BOD1L1: variants seen among roughly 807,000 people sequenced by gnomAD.
BOD1L1 encodes biorientation of chromosomes in cell division 1 like 1, also known as biorientation of chromosomes in cell division protein 1-like 1.
Under a neutral mutation model 240.7 loss-of-function variants are expected in BOD1L1, and 86 were observed. The ratio of observed to expected loss-of-function variants is 0.36; its 90% CI spans 0.30 to 0.43. BOD1L1 has a LOEUF of 0.43. Among genes scored for constraint, BOD1L1 ranks in the 20% least tolerant of loss-of-function variants. The probability of loss-of-function intolerance (pLI) is 1.00; values close to 1 mark genes in which losing one functional copy is unlikely to be tolerated. For missense variants in BOD1L1, 3,554 were observed against 3,643.5 expected (o/e 0.98, Z 0.63); for synonymous variants, 1,268 against 1,272.3 (o/e 1.00, Z 0.07).
intron 25 of BOD1L1, chr4:13,572,929 G>A: frequency 8.8e-7 from 1 of 1,134,760 alleles, no homozygotes. Context: ...GGCTCCTTGT[G>A]GGCAAGTCAG....
In BOD1L1 at chr4:13,603,575, C is replaced by A; in HGVS notation, c.3325G>T (p.Gly1109Cys). The change falls in exon 10 of 26, where the codon GGT becomes TGT. Residue 1109 changes from glycine to cysteine, a missense_variant. By Grantham distance (159) the Gly-to-Cys change is radical (BLOSUM62 -3). Around this residue, in one of 2 missense-constraint regions of BOD1L1, gnomAD observed 3,393 missense variants for 3,427.1 expected, o/e 0.99. Coordinates refer to ENST00000040738, the MANE Select transcript of BOD1L1 (RefSeq NM_148894.3). ...TGTTCAGGGATCAATGTCATATCACCACTCTTTTTTGGTCTCTGAAGGGAG... is the reference window on the plus strand; with the variant it reads ...TGTTCAGGGATCAATGTCATATCACAACTCTTTTTTGGTCTCTGAAGGGAG... ...GSSLQRPKKS[G>C]DMTLIPEQEP... is the part of the protein sequence containing the mutation. 1 of 1,613,990 alleles carries A rather than the reference C, an allele frequency of 6.2e-7. No individual in the cohort carries two copies. The highest frequency in any genetic ancestry group is 8.5e-7 in the Non-Finnish European group (1 of 1,179,876).
chr4:13,590,291 T>C (rs557666665), intron 14 of BOD1L1, 95 bp downstream of exon 14: 2 of 569,630 alleles, frequency 3.5e-6, no homozygotes, highest in Admixed American at 4.0e-5. Context: ...AGAGAAAGTA[T>C]GTAAAATAAT....
Position 13,615,464 on chromosome 4 carries a change from G to A in BOD1L1, c.407C>T (p.Ser136Phe). 6.2e-7 allele frequency: 1 copy of A among 1,612,244 alleles called. No individual in the cohort carries two copies. The highest frequency in any genetic ancestry group is 8.5e-7 in the Non-Finnish European group (1 of 1,178,922). Residue 136 changes from serine (S) to phenylalanine (F), a missense_variant, in exon 3 of 26, where the codon TCT becomes TTT. Physicochemically the swap from Ser to Phe is radical, Grantham distance 155. Around this residue, in one of 2 missense-constraint regions of BOD1L1, gnomAD observed 161 missense variants for 216.4 expected, o/e 0.74. Coordinates refer to ENST00000040738, the MANE Select transcript of BOD1L1 (RefSeq NM_148894.3). ...GTTGATCTTTGGGTCCACAACCTGA[G>A]AAATAATTCGGTCAATACCAGACTC... ...MLESGIDRII[S>F]QVVDPKINHT...
Position 13,599,419 on chromosome 4 carries a change from C to A in BOD1L1, c.7481G>T (p.Gly2494Val). 2 of 1,613,968 alleles carry A rather than the reference C, an allele frequency of 1.2e-6. No homozygotes were observed. Among genetic ancestry groups the A allele is most frequent in the Non-Finnish European group, 1.7e-6 (2 of 1,179,876 alleles). ...SSTASYSAGR[G>V]LEGNANSPAH... Reference sequence around the variant, plus strand: ...AGGTGAGTTAGCATTCCCCTCTAAGCCCCTTCCTGCTGAATAACTTGCTGT... The same window carrying A: ...AGGTGAGTTAGCATTCCCCTCTAAGACCCTTCCTGCTGAATAACTTGCTGT... Residue 2494 changes from glycine (G) to valine (V), a missense_variant, in exon 10 of 26, where the codon GGC becomes GTC. This residue lies in a region of BOD1L1 where 3,393 missense variants were observed against 3,427.1 expected (regional missense o/e 0.99). Transcript: ENST00000040738.
In BOD1L1 at chr4:13,601,515, C is replaced by T. The variant is rs760450890; in HGVS notation, c.5385G>A (p.Gly1795=). Residue 1795 remains glycine, a synonymous_variant, in exon 10 of 26, where the codon GGG becomes GGA. Coordinates refer to ENST00000040738, the MANE Select transcript of BOD1L1 (RefSeq NM_148894.3). ...TEGESAVTST[G]ITEDGEGPAS... is the part of the protein sequence containing the mutation. ...CTGGCCCCTCTCCATCTTCTGTTATCCCCGTGCTGGTGACTGCACTCTCAC... is the reference window on the plus strand; with the variant it reads ...CTGGCCCCTCTCCATCTTCTGTTATTCCCGTGCTGGTGACTGCACTCTCAC... The T allele has an allele frequency of 1.3e-5, 21 of 1,613,914 alleles. No homozygotes were observed. Among genetic ancestry groups the T allele is most frequent in the South Asian group, 6.6e-5 (6 of 91,086 alleles).
chr4:13,599,988 G>A lies in BOD1L1; in HGVS notation c.6912C>T (p.Val2304=), dbSNP rs1221990674. ...STSTSEGCEA[V]MIGAVLQDED... is the part of the protein sequence containing the mutation. Reference sequence around the variant, plus strand: ...CATCCTGGAGGACAGCACCAATCATGACTGCTTCACACCCTTCAGAGGTGC... The same window carrying A: ...CATCCTGGAGGACAGCACCAATCATAACTGCTTCACACCCTTCAGAGGTGC... The change falls in exon 10 of 26, where the codon GTC becomes GTT. Residue 2304 remains valine, a synonymous_variant. Coordinates refer to ENST00000040738, the MANE Select transcript of BOD1L1 (RefSeq NM_148894.3). 1.9e-6 allele frequency: 3 copies of A among 1,610,890 alleles called. No individual in the cohort carries two copies. The South Asian group carries it at 3.3e-5, about 18-fold the overall frequency.
chr4:13,599,504 A>G lies in BOD1L1; in HGVS notation c.7396T>C (p.Leu2466=). The part of the protein sequence containing the change: ...LINAEEKNVL[L]NSLQKEDKSP... Reference sequence around the variant, plus strand: ...TTATCTTCTTTCTGAAGGGAGTTCAACAATACATTCTTCTCTTCTGCATTT... The same window carrying G: ...TTATCTTCTTTCTGAAGGGAGTTCAGCAATACATTCTTCTCTTCTGCATTT... Residue 2466 remains leucine (L), a synonymous_variant, in exon 10 of 26, where the codon TTG becomes CTG. Coordinates refer to ENST00000040738, the MANE Select transcript of BOD1L1 (RefSeq NM_148894.3). 1 of 1,614,032 alleles carries G rather than the reference A, an allele frequency of 6.2e-7. No homozygotes were observed. The highest frequency in any genetic ancestry group is 1.3e-5 in the African/African-American group (1 of 75,062).
At position 13,602,643 on chromosome 4, in the gene BOD1L1, C is replaced by A; in HGVS notation, c.4257G>T (p.Glu1419Asp). The change falls in exon 10 of 26, where the codon GAG (glutamate) becomes GAT (aspartate). Residue 1419 changes from glutamate to aspartate, a missense_variant. Coordinates refer to ENST00000040738, the MANE Select transcript of BOD1L1 (RefSeq NM_148894.3). ...MAKKENDLNA[E>D]PNLKQTIKAT... is the part of the protein sequence containing the mutation. ...CTTTAATTGTCTGCTTTAAATTGGG[C>A]TCTGCATTTAAGTCATTTTCTTTCT... 1 of 1,614,026 alleles carries A rather than the reference C, an allele frequency of 6.2e-7. No homozygotes were observed. Among genetic ancestry groups the A allele is most frequent in the Non-Finnish European group, 8.5e-7 (1 of 1,179,902 alleles).
Position 13,604,661 on chromosome 4 carries a change from CTTTATA to C in BOD1L1, c.2233_2238del (p.Tyr745_Lys746del), listed in dbSNP as rs775353117. On this transcript the variant is annotated inframe_deletion, in exon 10 of 26. Transcript: ENST00000040738. ...TCACCTGTTTTATGCATACAATCAC[CTTTATA>C]TTTATGTTTCACAGACAATTTGTCT... The C allele has an allele frequency of 1.3e-6, 2 of 1,589,900 alleles. No individual in the cohort carries two copies. Among genetic ancestry groups the C allele is most frequent in the Non-Finnish European group, 1.7e-6 (2 of 1,173,652 alleles).
Position 13,577,011 on chromosome 4 carries a change from A to C in BOD1L1, c.8885-20T>G. 6.2e-7 allele frequency: 1 copy of C among 1,610,446 alleles called. No homozygotes were observed. Among genetic ancestry groups the C allele is most frequent in the Non-Finnish European group, 8.5e-7 (1 of 1,178,610 alleles). Reference sequence around the variant, plus strand: ...AGGATTCTGTTCAAATAGAAGGGTAACACCTGGATTTTACAATTCCCAAAG... The same window carrying C: ...AGGATTCTGTTCAAATAGAAGGGTACCACCTGGATTTTACAATTCCCAAAG... On this transcript the variant is annotated intron_variant, in intron 24 of 25. Coordinates refer to ENST00000040738, the MANE Select transcript of BOD1L1 (RefSeq NM_148894.3).
rs550030729 is a variant in BOD1L1 at position 13,581,193 on chromosome 4, T to C, written c.8607A>G (p.Ile2869Met). 1.9e-5 allele frequency: 29 copies of C among 1,566,930 alleles called. 2 individuals are homozygous for C. The South Asian group carries it at 3.4e-4, about 19-fold the overall frequency. Residue 2869 changes from isoleucine (I) to methionine (M), a missense_variant, in exon 20 of 26, where the codon ATA (isoleucine) becomes ATG (methionine). Transcript: ENST00000040738. ...GTCTTCCTCTTTTCCTTTTAATAAT[T>C]ATTGGCTGATCTTCCTAAGGGGGAA... ...TIKSQEEDQPIIIKRKRGRPR... is the reference protein window; with the variant it reads ...TIKSQEEDQPMIIKRKRGRPR...
chr4:13,571,260 G>C (rs1712183992), intron 25 of BOD1L1, among the ~76,000 whole-genome samples: 3 of 152,202 alleles, frequency 2.0e-5, no homozygotes, highest in Admixed American at 1.3e-4. Flanking sequence ...CAAGCGGGCA[G>C]TAAATGTCCT....
chr4:13,572,724 T>C, intron 25 of BOD1L1: 1 of 1,289,868 alleles, frequency 7.8e-7, no homozygotes, highest in Non-Finnish European at 1.0e-6. Context: ...GGAGAGTTAC[T>C]AACTTTTTCG....
At chr4:13,623,106 C>T (rs574024624) in intron 1 of BOD1L1, among the ~76,000 whole-genome samples, 6 of 152,276 alleles carry the variant, frequency 3.9e-5, no homozygotes, top group Admixed American at 1.3e-4. Context: ...ACAGCTTATT[C>T]GAAATAAAAC....
At chr4:13,624,220 G>C (rs1371620640) in intron 1 of BOD1L1, 4 of 152,016 alleles carry the variant, frequency 2.6e-5, no homozygotes, top group Admixed American at 6.6e-5. Flanking sequence ...GTGGCAGGGA[G>C]GGGGAGAGAG....
At position 13,595,941 on chromosome 4, in the gene BOD1L1, A is replaced by G. The variant is rs368783348; in HGVS notation, c.8023T>C (p.Tyr2675His). The G allele has an allele frequency of 9.3e-6, 15 of 1,613,016 alleles. No individual in the cohort carries two copies. Among genetic ancestry groups the G allele is most frequent in the Non-Finnish European group, 1.2e-5 (14 of 1,179,682 alleles). Residue 2675 changes from tyrosine (Y) to histidine (H), a missense_variant, in exon 12 of 26, where the codon TAT becomes CAT. This residue lies in a region of BOD1L1 where 3,393 missense variants were observed against 3,427.1 expected (regional missense o/e 0.99). Coordinates refer to ENST00000040738, the MANE Select transcript of BOD1L1 (RefSeq NM_148894.3). ...KLKANLKMEA[Y>H]VPSEEEKNGE... ...TTTTTCTCTTCCTCTGAAGGCACAT[A>G]AGCCTAAAAAATCCAAAGCACCATA...
chr4:13,576,179 C>T (rs183463124), intron 25 of BOD1L1, among the ~76,000 whole-genome samples: 7 of 151,840 alleles, frequency 4.6e-5, no homozygotes, highest in Admixed American at 1.3e-4. Context: ...GGATTACAGG[C>T]GTGAGTCACC....
intron 25 of BOD1L1, chr4:13,572,730 T>G (rs1560174812): frequency 7.8e-7 from 1 of 1,289,676 alleles, no homozygotes; most frequent in African/African-American, 1.5e-5. Context: ...TTACTAACTT[T>G]TTCGCTGGTA....
intron 10 of BOD1L1, among the ~76,000 whole-genome samples, chr4:13,597,637 G>A (rs976793807): frequency 2.0e-5 from 3 of 152,142 alleles, no homozygotes; most frequent in Admixed American, 6.5e-5. Flanking sequence ...ATTTTCTCAG[G>A]TGCAGAGATT....
Sources: allele counts gnomAD v4.1 joint callset (sites outside exome capture counted in the v4.1 genomes callset), GRCh38; gene constraint gnomAD v4.1.1; regional missense constraint gnomAD v4.1.1; transcripts MANE v1.5; gene names NCBI Gene and HGNC (gene_info 2026-07-23, HGNC 2026-07-21).